Variants in TRIM9 observed in about 807,000 individuals in gnomAD.
The protein encoded by TRIM9 is tripartite motif containing 9, also known as E3 ubiquitin-protein ligase TRIM9.
TRIM9 carries 26 observed loss-of-function variants against 78.3 expected under a neutral mutation model. The ratio of observed to expected loss-of-function variants is 0.33; its 90% CI spans 0.24 to 0.46. The LOEUF is 0.46. TRIM9 is among the 20% of genes least tolerant of loss of function. TRIM9 has a pLI of 1.00. For synonymous variants in TRIM9, 398 were observed against 416.5 expected, an observed-to-expected ratio of 0.96 and a Z score of 0.54; for missense variants, 787 against 1,036.4, an observed-to-expected ratio of 0.76 and a Z score of 3.30.
chr14:51,022,638 A>T (rs575232902), intron 3 of TRIM9, among the ~76,000 whole-genome samples, 197 bp downstream of exon 3: 1 of 152,284 alleles, frequency 6.6e-6, no homozygotes, highest in African/African-American at 2.4e-5. Context: ...CACCCAACAA[A>T]CATTATTTGG....
intron 1 of TRIM9, among the ~76,000 whole-genome samples, chr14:51,074,987 A>G (rs760740682): frequency 1.5e-4 from 23 of 152,268 alleles, no homozygotes; most frequent in Non-Finnish European, 3.1e-4. Flanking sequence ...ACAAAGGCAC[A>G]AGCAACAGGC....
intron 1 of TRIM9, among the ~76,000 whole-genome samples, chr14:51,085,176 A>G (rs988235877): frequency 5.6e-4 from 85 of 152,198 alleles, no homozygotes; most frequent in Admixed American, 4.5e-3. Context: ...AAGCAAAGTA[A>G]GAGTAAGAGG....
chr14:50,996,970 C>A (rs2054288473), intron 7 of TRIM9: 5 of 985,252 alleles, frequency 5.1e-6, no homozygotes, highest in African/African-American at 1.7e-5. Flanking sequence ...TTTAGGGTGA[C>A]TGGCACATGT....
rs371942257 is a variant in TRIM9 at position 51,004,291 on chromosome 14, T to A, written c.1307-3451A>T. On this transcript the variant is annotated intron_variant, in intron 5 of 12. Transcript: ENST00000684578. Reference sequence around the variant, plus strand: ...TCTTAAAATACAAGGGGGAAGCTATTCTCACTGACTTCCTTGAAGAGGTCT... The same window carrying A: ...TCTTAAAATACAAGGGGGAAGCTATACTCACTGACTTCCTTGAAGAGGTCT... Among the ~76,000 whole-genome samples the A allele has an allele frequency of 3.9e-5, 6 of 152,348 alleles. No individual in the cohort carries two copies. The East Asian group carries it at 1.2e-3, about 29-fold the overall frequency.
chr14:51,019,461 T>C (rs1678436037), intron 3 of TRIM9, among the ~76,000 whole-genome samples: 1 of 152,214 alleles, frequency 6.6e-6, no homozygotes, highest in Non-Finnish European at 1.5e-5. Flanking sequence ...CAAAGCTTTT[T>C]TGCTTTTTTT....
chr14:51,043,597 T>A (rs1266682810), intron 1 of TRIM9, among the ~76,000 whole-genome samples: 2 of 152,222 alleles, frequency 1.3e-5, no homozygotes, highest in Non-Finnish European at 2.9e-5. Flanking sequence ...GAAGTTTATA[T>A]GAAATTTGGA....
chr14:51,058,694 C>A (rs767390151), intron 1 of TRIM9, among the ~76,000 whole-genome samples: 44 of 152,232 alleles, frequency 2.9e-4, no homozygotes, highest in Non-Finnish European at 4.7e-4. Flanking sequence ...CAGATATACT[C>A]AGCTGTCTTT....
At chr14:51,002,845 G>C (rs151083764) in intron 5 of TRIM9, among the ~76,000 whole-genome samples, 1 of 152,316 alleles carries the variant, frequency 6.6e-6, no homozygotes, top group Non-Finnish European at 1.5e-5. Flanking sequence ...ATCAAACATA[G>C]CTAAATCAAA....
chr14:51,044,345 T>C (rs1428572159), intron 1 of TRIM9, among the ~76,000 whole-genome samples: 1 of 152,100 alleles, frequency 6.6e-6, no homozygotes, highest in African/African-American at 2.4e-5. Context: ...TCCTAACCCA[T>C]CCCTATATTA....
chr14:51,049,055 G>A (rs947949804), intron 1 of TRIM9, among the ~76,000 whole-genome samples: 2 of 151,586 alleles, frequency 1.3e-5, no homozygotes, highest in Admixed American at 6.6e-5. Flanking sequence ...TGTAAGCACC[G>A]TTATGTGGTT....
intron 9 of TRIM9, 82 bp downstream of exon 9, chr14:50,983,298 C>A: frequency 8.6e-7 from 1 of 1,164,290 alleles, no homozygotes; most frequent in Non-Finnish European, 1.2e-6. Context: ...TGACATAAGA[C>A]AAGTTGCCGC....
chr14:51,010,375 A>T lies in TRIM9; in HGVS notation c.1152+9T>A. On this transcript the variant is annotated intron_variant, in intron 4 of 12. Coordinates refer to ENST00000684578, the MANE Select transcript of TRIM9 (RefSeq NM_001387360.1). The stretch of plus-strand genomic sequence containing the variant: ...TTAGAATCTGACGCAGAAACTAGTT[A>T]ACTCTTACCTGCAAAAAACCACTAG... The T allele has an allele frequency of 6.2e-7, 1 of 1,603,908 alleles. No individual in the cohort carries two copies. The highest frequency in any genetic ancestry group is 8.5e-7 in the Non-Finnish European group (1 of 1,170,908).
At chr14:51,079,536 A>G (rs1317041428) in intron 1 of TRIM9, among the ~76,000 whole-genome samples, 3 of 152,208 alleles carry the variant, frequency 2.0e-5, no homozygotes, top group Non-Finnish European at 4.4e-5. Flanking sequence ...TTTTTTATGT[A>G]GCCCAGATGT....
Position 51,045,093 on chromosome 14 carries a change from C to T in TRIM9, c.823-19733G>A, listed in dbSNP as rs944702951. On this transcript the variant is annotated intron_variant, in intron 1 of 12. Coordinates refer to ENST00000684578, the MANE Select transcript of TRIM9 (RefSeq NM_001387360.1). ...CAAATACTGCATAGTCTGACATTGT[C>T]GGGAGCTGTTCAAGACTCATTGGTG... Among the ~76,000 whole-genome samples, 5 of 152,092 alleles carry T rather than the reference C, an allele frequency of 3.3e-5. No homozygotes were observed. In the South Asian group the frequency reaches 6.2e-4, roughly 19 times the overall value.
chr14:50,990,791 A>AGT (rs2053405971), intron 7 of TRIM9, among the ~76,000 whole-genome samples: 1 of 152,188 alleles, frequency 6.6e-6, no homozygotes, highest in Non-Finnish European at 1.5e-5. Flanking sequence ...CATGTCACGA[A>AGT]GAATTGTACA....
intron 1 of TRIM9, among the ~76,000 whole-genome samples, chr14:51,034,230 C>T (rs1338105492): frequency 2.0e-5 from 3 of 152,160 alleles, no homozygotes; most frequent in African/African-American, 7.2e-5. Context: ...GAGAAAAAAC[C>T]ACATTTGTTT....
chr14:51,057,245 T>A (rs2060962883), intron 1 of TRIM9, among the ~76,000 whole-genome samples: 2 of 152,246 alleles, frequency 1.3e-5, no homozygotes, highest in Non-Finnish European at 2.9e-5. Context: ...ATGACTGAGC[T>A]AATGAATTGT....
At chr14:51,035,416 C>A (rs193265712) in intron 1 of TRIM9, among the ~76,000 whole-genome samples, 111 of 152,234 alleles carry the variant, frequency 7.3e-4, no homozygotes, top group Non-Finnish European at 1.2e-3. Context: ...GCAGTCAAAT[C>A]ATTTTTATAT....
intron 6 of TRIM9, among the ~76,000 whole-genome samples, chr14:50,999,501 A>AAG (rs1235050047): frequency 6.6e-6 from 1 of 152,174 alleles, no homozygotes; most frequent in Non-Finnish European, 1.5e-5. Context: ...TCTCTATCAA[A>AAG]AGAGAGAACC....
Sources: gnomAD v4.1 joint callset for allele counts (sites outside exome capture counted in the v4.1 genomes callset) on GRCh38, gnomAD v4.1.1 for gene constraint, MANE v1.5 for transcripts, NCBI Gene and HGNC (gene_info 2026-07-23, HGNC 2026-07-21) for gene names.